Variants in CES5A observed in about 807,000 individuals in gnomAD.
CES5A encodes the protein carboxylesterase 5A.
A neutral mutation model predicts 62.9 loss-of-function variants in CES5A; 67 were observed. The observed-to-expected ratio is 1.07, with a 90% CI of 0.88 to 1.31. The LOEUF (loss-of-function observed/expected upper bound fraction) is 1.31. Ranked by LOEUF, CES5A falls within the 50% of genes most tolerant of loss-of-function variation. The pLI, the probability that CES5A is intolerant of heterozygous loss-of-function variation, is 0.00. For synonymous variants in CES5A, 296 were observed against 280.8 expected (o/e 1.05, Z -0.54); for missense variants, 748 against 708.5 (o/e 1.06, Z -0.63).
chr16:55,913,002 A>C (rs1380825476), intron 1 of CES5A, among the ~76,000 whole-genome samples: 2 of 152,178 alleles, frequency 1.3e-5, no homozygotes, highest in Non-Finnish European at 2.9e-5. Flanking sequence ...TAGACAGAGC[A>C]GATTTATCAA....
At chr16:55,922,198 G>A (rs1446411774) in intron 1 of CES5A, among the ~76,000 whole-genome samples, 2 of 151,834 alleles carry the variant, frequency 1.3e-5, no homozygotes, top group Non-Finnish European at 2.9e-5. Context: ...TAATAACACT[G>A]AATGTTATCA....
At chr16:55,882,059 G>T (rs1315325963) in intron 1 of CES5A, among the ~76,000 whole-genome samples, 1 of 152,120 alleles carries the variant, frequency 6.6e-6, no homozygotes, top group African/African-American at 2.4e-5. Context: ...AAAGTCAAGA[G>T]GTGATGATTA....
At chr16:55,863,173 A>T (rs1353152596) in intron 6 of CES5A, among the ~76,000 whole-genome samples, 175 bp downstream of exon 6, 9 of 152,130 alleles carry the variant, frequency 5.9e-5, no homozygotes, top group African/African-American at 2.2e-4. Flanking sequence ...GTGTAGCTAG[A>T]CCCATTTCCT....
chr16:55,939,128 A>T (rs1356057822), intron 2 of CES5A, among the ~76,000 whole-genome samples: 1 of 152,132 alleles, frequency 6.6e-6, no homozygotes, highest in African/African-American at 2.4e-5. Flanking sequence ...AGCTGTAACA[A>T]GATTTCATCC....
At position 55,846,628 on chromosome 16, in the gene CES5A, C is replaced by G; in HGVS notation, c.1551G>C (p.Gln517His). The G allele has an allele frequency of 6.2e-7, 1 of 1,614,122 alleles. No individual in the cohort carries two copies. Among genetic ancestry groups the G allele is most frequent in the Non-Finnish European group, 8.5e-7 (1 of 1,180,030 alleles). ...TCATGTTCAAGTCCAGCTGGAGGTACTGCTCAGTCAGATTATAAGCTGGCC... is the reference window on the plus strand; with the variant it reads ...TCATGTTCAAGTCCAGCTGGAGGTAGTGCTCAGTCAGATTATAAGCTGGCC... Reference protein sequence around the residue: ...SLWPAYNLTEQYLQLDLNMSL... With the variant: ...SLWPAYNLTEHYLQLDLNMSL... Residue 517 changes from glutamine to histidine, a missense_variant, in exon 13 of 13, where the codon CAG becomes CAC. Physicochemically the swap from Gln to His is conservative, Grantham distance 24 (BLOSUM62 0). Coordinates refer to ENST00000290567, the MANE Select transcript of CES5A (RefSeq NM_001143685.2).
upstream of CES5A, among the ~76,000 whole-genome samples, chr16:55,927,662 G>A (rs559557980): frequency 7.2e-5 from 11 of 152,326 alleles, no homozygotes; most frequent in African/African-American, 2.6e-4. Flanking sequence ...CTTATACATT[G>A]TTGGTGGGAA....
At chr16:55,923,512 C>T (rs2034229462) in intron 1 of CES5A, among the ~76,000 whole-genome samples, 1 of 151,596 alleles carries the variant, frequency 6.6e-6, no homozygotes, top group Non-Finnish European at 1.5e-5. Flanking sequence ...ATAATGAGAT[C>T]AAAGCCATAA....
upstream of CES5A, among the ~76,000 whole-genome samples, chr16:55,876,465 T>C (rs919542910): frequency 6.6e-6 from 1 of 152,092 alleles, no homozygotes; most frequent in East Asian, 1.9e-4. Context: ...AACAGGAAAA[T>C]CCGGCCTTTC....
At chr16:55,897,918 C>A (rs977017738) in intron 1 of CES5A, among the ~76,000 whole-genome samples, 1 of 152,122 alleles carries the variant, frequency 6.6e-6, no homozygotes, top group African/African-American at 2.4e-5. Context: ...CTACTTTATG[C>A]CATGAAATGA....
intron 1 of CES5A, among the ~76,000 whole-genome samples, chr16:55,913,053 G>A (rs1159623862): frequency 6.6e-6 from 1 of 152,202 alleles, no homozygotes; most frequent in Non-Finnish European, 1.5e-5. Context: ...TTCATGCAGA[G>A]CTGGTTGTGC....
chr16:55,919,106 G>C (rs1311307318), intron 1 of CES5A, among the ~76,000 whole-genome samples: 1 of 152,172 alleles, frequency 6.6e-6, no homozygotes, highest in African/African-American at 2.4e-5. Flanking sequence ...CAGCCACATA[G>C]AGTCAGTCAC....
At chr16:55,933,931 T>C (rs1019585665) in intron 2 of CES5A, among the ~76,000 whole-genome samples, 1 of 152,148 alleles carries the variant, frequency 6.6e-6, no homozygotes, top group Non-Finnish European at 1.5e-5. Flanking sequence ...TCCTATCATC[T>C]CCTCTTATTC....
At chr16:55,889,670 T>A (rs935328313) in intron 1 of CES5A, among the ~76,000 whole-genome samples, 5 of 151,692 alleles carry the variant, frequency 3.3e-5, no homozygotes, top group Non-Finnish European at 7.4e-5. Context: ...TTTTTTTTTT[T>A]AATGGAGGCT....
chr16:55,911,708 C>G (rs1277285057), intron 1 of CES5A, among the ~76,000 whole-genome samples: 1 of 152,142 alleles, frequency 6.6e-6, no homozygotes, highest in Non-Finnish European at 1.5e-5. Flanking sequence ...AGTATCCCTA[C>G]TTGGAAGGTG....
In CES5A at chr16:55,893,549, A is replaced by G. The variant is rs557901691; in HGVS notation, c.-255-19512T>C. Among the ~76,000 whole-genome samples the G allele has an allele frequency of 2.0e-5, 3 of 152,336 alleles. No homozygotes were observed. In the South Asian group the frequency reaches 6.2e-4, roughly 32 times the overall value. Reference sequence around the variant, plus strand: ...GAAAACTCTACAAGAAACCAAATAAAAATTCTAAAGCTAAAAAATACAACA... The same window carrying G: ...GAAAACTCTACAAGAAACCAAATAAGAATTCTAAAGCTAAAAAATACAACA... On this transcript the variant is annotated intron_variant, in intron 1 of 12. Coordinates refer to the CES5A transcript ENST00000518005.
At chr16:55,864,019 G>A (rs1254346977) in intron 5 of CES5A, among the ~76,000 whole-genome samples, 4 of 152,060 alleles carry the variant, frequency 2.6e-5, no homozygotes, top group Non-Finnish European at 5.9e-5. Context: ...GTGCTGGGAT[G>A]ACAGGCGTGA....
intron 1 of CES5A, among the ~76,000 whole-genome samples, chr16:55,922,538 T>C (rs1411930120): frequency 2.0e-5 from 3 of 151,854 alleles, no homozygotes; most frequent in Non-Finnish European, 2.9e-5. Flanking sequence ...GCTCCCAAAG[T>C]ATACAAAGCA....
chr16:55,866,372 G>A (rs2033460464), intron 4 of CES5A, among the ~76,000 whole-genome samples: 1 of 152,130 alleles, frequency 6.6e-6, no homozygotes, highest in African/African-American at 2.4e-5. Context: ...AGTATTCACA[G>A]GTTCCTCAGA....
chr16:55,906,681 G>A (rs1332657473), intron 1 of CES5A, among the ~76,000 whole-genome samples: 2 of 152,238 alleles, frequency 1.3e-5, no homozygotes, highest in Admixed American at 6.5e-5. Flanking sequence ...AGTCCCAAGA[G>A]AGGGGCTTCC....
Sources: gnomAD v4.1 joint callset for allele counts (sites outside exome capture counted in the v4.1 genomes callset) on GRCh38, gnomAD v4.1.1 for gene constraint, MANE v1.5 for transcripts, NCBI Gene and HGNC (gene_info 2026-07-23, HGNC 2026-07-21) for gene names.